TASP1: variants seen among roughly 807,000 people sequenced by gnomAD.
TASP1 encodes threonine aspartase 1.
TASP1 carries 16 observed loss-of-function variants against 56.6 expected under a neutral mutation model. That is an observed-to-expected ratio of 0.28 (90% CI 0.19 to 0.43). The LOEUF is 0.43. TASP1 is among the 20% of genes least tolerant of loss of function. The pLI, the probability that TASP1 is intolerant of heterozygous loss-of-function variation, is 1.00. For missense variants in TASP1, 393 were observed against 511.6 expected, an observed-to-expected ratio of 0.77 and a Z score of 2.24; for synonymous variants, 179 against 184.2, an observed-to-expected ratio of 0.97 and a Z score of 0.23.
intron 6 of TASP1, among the ~76,000 whole-genome samples, chr20:13,570,485 T>C (rs1414850931): frequency 6.6e-6 from 1 of 152,126 alleles, no homozygotes; most frequent in Non-Finnish European, 1.5e-5. Context: ...ATTGAAGTCT[T>C]AAGATTTGAC....
At chr20:13,159,784 C>T in the TASP1 span, among the ~76,000 whole-genome samples, 4,734 of 152,142 alleles carry the variant, frequency 0.031, 98 homozygotes, top group African/African-American at 0.06. Flanking sequence ...TAATACCACA[C>T]ACACACCATC....
chr20:13,587,105 T>A, intron 5 of TASP1, 145 bp downstream of exon 5: 1 of 1,051,592 alleles, frequency 9.5e-7, no homozygotes. Context: ...TAAGACTGTA[T>A]GTTTTAAATT....
chr20:13,317,668 G>A, the TASP1 span, among the ~76,000 whole-genome samples: 1 of 152,024 alleles, frequency 6.6e-6, no homozygotes, highest in African/African-American at 2.4e-5. Context: ...CTTTGACAAG[G>A]GATGAAAGAC....
chr20:13,543,511 G>A (rs1276561330), intron 8 of TASP1, among the ~76,000 whole-genome samples: 1 of 152,312 alleles, frequency 6.6e-6, no homozygotes, highest in African/African-American at 2.4e-5. Flanking sequence ...TGAGGCAAGA[G>A]AATAGCCTGA....
intron 11 of TASP1, 34 bp from the exon 12 acceptor site, chr20:13,435,188 G>T: frequency 1.4e-6 from 2 of 1,449,696 alleles, no homozygotes. Context: ...ATTTTTCAGT[G>T]AATTTTACTT....
chr20:13,221,722 A>G, the TASP1 span: 212 of 1,313,258 alleles, frequency 1.6e-4, no homozygotes, highest in African/African-American at 2.8e-3. Flanking sequence ...CCCCGGCGTC[A>G]CCGCCGCCGC....
intron 11 of TASP1, among the ~76,000 whole-genome samples, chr20:13,439,986 A>C (rs1437669105): frequency 1.3e-5 from 2 of 152,170 alleles, no homozygotes; most frequent in East Asian, 3.9e-4. Context: ...AAGATTTAAC[A>C]CTATGAAATA....
chr20:13,423,048 TATAAA>T (rs2042500125), intron 12 of TASP1, among the ~76,000 whole-genome samples: 1 of 152,238 alleles, frequency 6.6e-6, no homozygotes, highest in African/African-American at 2.4e-5. Context: ...CCTTTATATA[TATAAA>T]ATAACATATT....
intron 4 of TASP1, among the ~76,000 whole-genome samples, chr20:13,589,765 A>G (rs1473049638): frequency 6.6e-6 from 1 of 152,178 alleles, no homozygotes; most frequent in Non-Finnish European, 1.5e-5. Flanking sequence ...TCTAAAACAA[A>G]AAGATGACAC....
At chr20:13,619,536 C>T (rs1453473032) in intron 4 of TASP1, among the ~76,000 whole-genome samples, 1 of 152,134 alleles carries the variant, frequency 6.6e-6, no homozygotes, top group Non-Finnish European at 1.5e-5. Context: ...AAAATGGTAG[C>T]ATCATGACTC....
chr20:13,612,377 G>A (rs902393974), intron 4 of TASP1, among the ~76,000 whole-genome samples: 2 of 151,924 alleles, frequency 1.3e-5, no homozygotes, highest in African/African-American at 2.4e-5. Context: ...AAATATCATG[G>A]TATTTTTCTC....
chr20:13,512,388 G>C (rs891520267), intron 10 of TASP1, among the ~76,000 whole-genome samples: 3 of 152,108 alleles, frequency 2.0e-5, no homozygotes, highest in Non-Finnish European at 4.4e-5. Flanking sequence ...GTGTCTGTTG[G>C]CTGCATAAAT....
the TASP1 span, chr20:13,159,933 T>C: frequency 1.4e-6 from 2 of 1,443,386 alleles, no homozygotes; most frequent in Admixed American, 2.3e-5. Context: ...CATATTCCTT[T>C]TTTGTCAGGA....
intron 1 of TASP1, among the ~76,000 whole-genome samples, chr20:13,631,540 T>G (rs547012888): frequency 6.6e-6 from 1 of 152,238 alleles, no homozygotes; most frequent in Non-Finnish European, 1.5e-5. Flanking sequence ...CAGCCTATAA[T>G]GCCATCATGT....
chr20:13,402,583 C>G (rs1285634231), intron 13 of TASP1, among the ~76,000 whole-genome samples: 2 of 152,192 alleles, frequency 1.3e-5, no homozygotes, highest in African/African-American at 4.8e-5. Context: ...CAACTACCAT[C>G]CCGAGGCAGT....
chr20:13,510,321 C>A (rs2044282900), intron 10 of TASP1, among the ~76,000 whole-genome samples: 1 of 152,096 alleles, frequency 6.6e-6, no homozygotes, highest in African/African-American at 2.4e-5. Context: ...CAAATTCAAA[C>A]ACAACTAGGA....
At chr20:13,401,220 G>A (rs1034088613) in intron 13 of TASP1, among the ~76,000 whole-genome samples, 10 of 152,144 alleles carry the variant, frequency 6.6e-5, no homozygotes, top group African/African-American at 2.4e-4. Flanking sequence ...TTAAATCTGT[G>A]TAAAATTTTT....
chr20:13,348,371 A>C, the TASP1 span, among the ~76,000 whole-genome samples: 2 of 152,222 alleles, frequency 1.3e-5, no homozygotes, highest in African/African-American at 4.8e-5. Flanking sequence ...GTGACTGTTG[A>C]TAAAGAAAAT....
At chr20:13,287,047 C>A in the TASP1 span, among the ~76,000 whole-genome samples, 2 of 151,824 alleles carry the variant, frequency 1.3e-5, no homozygotes, top group Non-Finnish European at 2.9e-5. Flanking sequence ...TCTGTTAACC[C>A]AGTGACCTTG....
Sources: gnomAD v4.1 joint callset for allele counts (sites outside exome capture counted in the v4.1 genomes callset) on GRCh38, gnomAD v4.1.1 for gene constraint, MANE v1.5 for transcripts, NCBI Gene and HGNC (gene_info 2026-07-23, HGNC 2026-07-21) for gene names.